NDRG1: variants seen among roughly 807,000 people sequenced by gnomAD.
NDRG1 encodes protein NDRG1.
A neutral mutation model predicts 56.9 loss-of-function variants in NDRG1; 32 were observed. The observed-to-expected ratio is 0.56, with a 90% CI of 0.42 to 0.76. The LOEUF is 0.76. NDRG1 is among the 30% of genes least tolerant of loss of function. The pLI is 0.00. For missense variants in NDRG1, 507 were observed against 545.7 expected, an observed-to-expected ratio of 0.93 and a Z score of 0.71; for synonymous variants, 211 against 204.1, an observed-to-expected ratio of 1.03 and a Z score of -0.29.
rs1244502061 is a variant in NDRG1, at chr8:133,238,110, C to T, written c.*768G>A. ...GGGGCTGTGGAGGAGAGGCAGAAAG[C>T]AGAACTAAAGCCTTCAAAAACCATG... On this transcript the variant is annotated 3_prime_UTR_variant, in exon 16 of 16. Coordinates refer to ENST00000323851, the MANE Select transcript of NDRG1 (RefSeq NM_006096.4). 2.1e-5 allele frequency: 5 copies of T among 232,964 alleles called. No individual in the cohort carries two copies. Among genetic ancestry groups the T allele is most frequent in the Admixed American group, 5.6e-5 (1 of 17,752 alleles). 14.4% of individuals were successfully genotyped at this position (232,964 alleles called of 1,614,324 possible).
intron 3 of NDRG1, among the ~76,000 whole-genome samples, chr8:133,271,976 T>C (rs1437427495): frequency 1.3e-5 from 2 of 152,110 alleles, no homozygotes; most frequent in Non-Finnish European, 2.9e-5. Flanking sequence ...GGCTGAAGTA[T>C]AGGTGCCCAA....
At position 133,237,933 on chromosome 8, in the gene NDRG1, A is replaced by G. The variant is rs550687871; in HGVS notation, c.*945T>C. On this transcript the variant is annotated 3_prime_UTR_variant, in exon 16 of 16. Transcript: ENST00000323851. Reference sequence around the variant, plus strand: ...GTAACCCCAATTCCACCCCCACCCCAGTGCTCCTACTCCGGCCCCTGCAAG... The same window carrying G: ...GTAACCCCAATTCCACCCCCACCCCGGTGCTCCTACTCCGGCCCCTGCAAG... 8.8e-4 allele frequency: 206 copies of G among 233,136 alleles called. 1 individual carries two copies. Among genetic ancestry groups the G allele is most frequent in the African/African-American group, 4.2e-3 (192 of 45,454 alleles). 14.4% of individuals were successfully genotyped at this position (233,136 alleles called of 1,614,324 possible).
chr8:133,272,114 TC>T lies in NDRG1; in HGVS notation c.100-7463del, dbSNP rs552488675. ...CTGGGCCTGTCACTTCTCGCTTCATTCCCCAGTCTTCTTTTATGTTGACATC... is the reference window on the plus strand; with the variant it reads ...CTGGGCCTGTCACTTCTCGCTTCATTCCCAGTCTTCTTTTATGTTGACATC... On this transcript the variant is annotated intron_variant, in intron 3 of 15. Coordinates refer to ENST00000323851, the MANE Select transcript of NDRG1 (RefSeq NM_006096.4). Among the ~76,000 whole-genome samples the T allele has an allele frequency of 1.8e-4, 28 of 152,304 alleles. No homozygotes were observed. The South Asian group carries it at 5.6e-3, about 30-fold the overall frequency.
intron 8 of NDRG1, chr8:133,255,398 AG>A (rs748030166): frequency 1.3e-5 from 6 of 456,318 alleles, no homozygotes; most frequent in Non-Finnish European, 2.6e-5. Context: ...GGTAATCGAA[AG>A]GCTGGAGTTG....
At position 133,238,187 on chromosome 8, in the gene NDRG1, C is replaced by T. The variant is rs1049694; in HGVS notation, c.*691G>A. The T allele has an allele frequency of 0.32, 73,369 of 232,512 alleles. 12,228 individuals carry two copies. Among genetic ancestry groups the T allele is most frequent in the Admixed American group, 0.36 (6,364 of 17,740 alleles). The allele number at this position is 232,512 out of a possible 1,614,324, so 14.4% of individuals were successfully genotyped here. ...TGTCTGTAAAGCCAGGAGATTTTGT[C>T]GCCTGCTTTTGCTGCACATTAAGAG... On this transcript the variant is annotated 3_prime_UTR_variant, in exon 16 of 16. Transcript: ENST00000323851.
At chr8:133,284,956 C>T (rs1349053715) in intron 1 of NDRG1, 8 of 427,698 alleles carry the variant, frequency 1.9e-5, no homozygotes, top group South Asian at 4.9e-5. Flanking sequence ...GGCATTTGAA[C>T]GCACAGTACA....
intron 15 of NDRG1, chr8:133,240,287 A>G (rs910100416): frequency 6.6e-6 from 1 of 152,226 alleles, no homozygotes; most frequent in Admixed American, 6.5e-5. Context: ...TGAGTCAGAC[A>G]TCAGAAACAG....
intron 1 of NDRG1, among the ~76,000 whole-genome samples, chr8:133,286,682 G>A (rs1335395749): frequency 6.6e-6 from 1 of 152,226 alleles, no homozygotes; most frequent in Non-Finnish European, 1.5e-5. Flanking sequence ...AACTGCTGAG[G>A]ATGATCACGG....
chr8:133,255,357 G>A (rs944527345), intron 8 of NDRG1: 1 of 456,276 alleles, frequency 2.2e-6, no homozygotes, highest in Non-Finnish European at 4.4e-6. Context: ...AGAAGTAACT[G>A]CACACATCAC....
chr8:133,256,958 A>G (rs1479009784), intron 7 of NDRG1, 95 bp from the exon 8 acceptor site: 2 of 1,221,028 alleles, frequency 1.6e-6, no homozygotes, highest in African/African-American at 1.5e-5. Flanking sequence ...AAGTACCCAG[A>G]AAAAGGCAGT....
intron 3 of NDRG1, among the ~76,000 whole-genome samples, chr8:133,273,387 T>C (rs913764194): frequency 2.6e-5 from 4 of 152,362 alleles, no homozygotes; most frequent in East Asian, 1.9e-4. Flanking sequence ...GACGTGTGGA[T>C]TGAATCAGCT....
chr8:133,262,039 C>T lies in NDRG1; in HGVS notation c.326+8G>A. ...CCTGTAGAGCTCATAGGGCAAGAGGCCTCTCACCCTGCGGGGAAGGAGGCT... is the reference window on the plus strand; with the variant it reads ...CCTGTAGAGCTCATAGGGCAAGAGGTCTCTCACCCTGCGGGGAAGGAGGCT... On this transcript the variant is annotated splice_region_variant and intron_variant, in intron 5 of 15. Coordinates refer to ENST00000323851, the MANE Select transcript of NDRG1 (RefSeq NM_006096.4). 6.2e-7 allele frequency: 1 copy of T among 1,608,406 alleles called. No individual in the cohort carries two copies. Among genetic ancestry groups the T allele is most frequent in the Non-Finnish European group, 8.5e-7 (1 of 1,176,952 alleles).
rs199995009 is a variant in NDRG1, at chr8:133,250,474, C to T, written c.664G>A (p.Gly222Ser). 2.6e-5 allele frequency: 42 copies of T among 1,614,064 alleles called. No homozygotes were observed. The African/African-American group carries it at 2.8e-4, about 11-fold the overall frequency. The change falls in exon 10 of 16, where the codon GGC becomes AGC. Residue 222 changes from glycine (G) to serine (S), a missense_variant. Gly to Ser is a moderately conservative substitution (Grantham distance 56, BLOSUM62 0). Coordinates refer to ENST00000323851, the MANE Select transcript of NDRG1 (RefSeq NM_006096.4). The stretch of plus-strand genomic sequence containing the variant: ...GCATTGATGAACAGGTGCAGGTTGC[C>T]GGGGTTCATGTCATTCACAATGTGC... ...RQHIVNDMNPGNLHLFINAYN... is the reference protein window; with the variant it reads ...RQHIVNDMNPSNLHLFINAYN...
intron 1 of NDRG1, among the ~76,000 whole-genome samples, chr8:133,296,189 C>T (rs1467166697): frequency 6.6e-6 from 1 of 150,988 alleles, no homozygotes; most frequent in South Asian, 2.1e-4. Context: ...CCAGGAACGT[C>T]GAAGTAATTC....
intron 5 of NDRG1, 108 bp from the exon 6 acceptor site, chr8:133,259,338 C>T: frequency 9.5e-7 from 1 of 1,047,672 alleles, no homozygotes. Flanking sequence ...GCCCCATGCA[C>T]CCAGACCCCC....
At chr8:133,292,127 G>A (rs1434939425) in intron 1 of NDRG1, among the ~76,000 whole-genome samples, 1 of 152,196 alleles carries the variant, frequency 6.6e-6, no homozygotes, top group Non-Finnish European at 1.5e-5. Flanking sequence ...GGAGGACACT[G>A]GTCTCCTTAG....
At position 133,258,422 on chromosome 8, in the gene NDRG1, T is replaced by G. The variant is rs766189063; in HGVS notation, c.394A>C (p.Lys132Gln). The change falls in exon 7 of 16, where the codon AAA (lysine) becomes CAA (glutamine). Residue 132 changes from lysine (K) to glutamine (Q), a missense_variant. Physicochemically the swap from Lys to Gln is moderately conservative, Grantham distance 53. Transcript: ENST00000323851. ...LPGVLQQFGL[K>Q]SIIGMGTGAG... ...CCTGTTCCCATGCCAATAATGCTTTTCAGCCTGGAAGCAAAAATACAAATG... is the reference window on the plus strand; with the variant it reads ...CCTGTTCCCATGCCAATAATGCTTTGCAGCCTGGAAGCAAAAATACAAATG... The G allele has an allele frequency of 6.2e-7, 1 of 1,610,158 alleles. No homozygotes were observed. The highest frequency in any genetic ancestry group is 1.1e-5 in the South Asian group (1 of 89,986).
intron 1 of NDRG1, among the ~76,000 whole-genome samples, chr8:133,296,300 C>T (rs976858030): frequency 6.6e-6 from 1 of 152,138 alleles, no homozygotes; most frequent in Non-Finnish European, 1.5e-5. Context: ...GACGCCACTC[C>T]TAGCTCCAGC....
chr8:133,246,671 AGAGG>A lies in NDRG1; in HGVS notation c.808-12_808-9del, dbSNP rs749178443. The A allele has an allele frequency of 6.2e-7, 1 of 1,614,072 alleles. No individual in the cohort carries two copies. The highest frequency in any genetic ancestry group is 1.1e-5 in the South Asian group (1 of 91,084). On this transcript the variant is annotated splice_polypyrimidine_tract_variant and intron_variant, in intron 12 of 15. Transcript: ENST00000323851. ...TTTTGAGTTGCACTCCACCTGCACA[AGAGG>A]GAGGAAATCTGTTAATTTTCTACGT... is the stretch of plus-strand genomic sequence containing the variant.
Sources: gnomAD v4.1 joint callset for allele counts (sites outside exome capture counted in the v4.1 genomes callset) on GRCh38, gnomAD v4.1.1 for gene constraint, MANE v1.5 for transcripts, NCBI Gene and HGNC (gene_info 2026-07-23, HGNC 2026-07-21) for gene names.